Variants in BFAR observed in about 807,000 individuals in gnomAD.
The protein encoded by BFAR is bifunctional apoptosis regulator.
A neutral mutation model predicts 54.4 loss-of-function variants in BFAR; 52 were observed. The observed-to-expected ratio is 0.96, with a 90% CI of 0.77 to 1.21. The LOEUF is 1.21. Ranked by LOEUF, BFAR falls within the 50% of genes most tolerant of loss-of-function variation. The pLI, the probability that BFAR is intolerant of heterozygous loss-of-function variation, is 0.00. For missense variants in BFAR, 571 were observed against 534.0 expected (o/e 1.07, Z -0.68); for synonymous variants, 215 against 204.3 (o/e 1.05, Z -0.45).
In BFAR at chr16:14,667,672, G is replaced by C. The variant is rs769381599; in HGVS notation, c.1198G>C (p.Val400Leu). 5.6e-6 allele frequency: 9 copies of C among 1,614,176 alleles called. No individual in the cohort carries two copies. In the South Asian group the frequency reaches 9.9e-5, roughly 18 times the overall value. Residue 400 changes from valine to leucine, a missense_variant, in exon 8 of 8, where the codon GTA becomes CTA. Transcript: ENST00000261658. ...PQRMWSHFWK[V>L]STQGLFVAMF... ...GAGGATGTGGAGCCATTTCTGGAAA[G>C]TATCAACGCAGGGGCTTTTTGTGGC... is the stretch of plus-strand genomic sequence containing the variant.
intron 4 of BFAR, among the ~76,000 whole-genome samples, chr16:14,654,656 C>T (rs1462642672): frequency 6.6e-6 from 1 of 151,712 alleles, no homozygotes; most frequent in Non-Finnish European, 1.5e-5. Flanking sequence ...TACAGGTGCA[C>T]GCTAATTTTT....
intron 4 of BFAR, 146 bp downstream of exon 4, chr16:14,650,119 C>T (rs1959927275): frequency 1.4e-6 from 1 of 732,530 alleles, no homozygotes; most frequent in Non-Finnish European, 2.0e-6. Context: ...GTCAGGAGTT[C>T]CAGACCAGCC....
Position 14,667,962 on chromosome 16 carries a change from C to T in BFAR, c.*135C>T, listed in dbSNP as rs1026527394. The T allele has an allele frequency of 6.4e-6, 6 of 936,980 alleles. No homozygotes were observed. The highest frequency in any genetic ancestry group is 1.7e-5 in the African/African-American group (1 of 60,512). The allele number at this position is 936,980 out of a possible 1,614,324, so 58.0% of individuals were successfully genotyped here. ...AAGGTGCTGCTTTGTATATCAAAAG[C>T]TCCAACCATGTCCTCTCCCCCTCAG... On this transcript the variant is annotated 3_prime_UTR_variant, in exon 8 of 8. Coordinates refer to ENST00000261658, the MANE Select transcript of BFAR (RefSeq NM_016561.3).
In BFAR at chr16:14,655,218, C is replaced by CT. The variant is rs752968446; in HGVS notation, c.783+11dup. 1 of 1,323,448 alleles carries CT rather than the reference C, an allele frequency of 7.6e-7. No homozygotes were observed. Among genetic ancestry groups the CT allele is most frequent in the South Asian group, 2.0e-5 (1 of 48,966 alleles). 82.0% of individuals were successfully genotyped at this position (1,323,448 alleles called of 1,614,324 possible). A position where few individuals can be genotyped will look rare whatever the true frequency, so the allele number is the denominator to read the frequency against. On this transcript the variant is annotated intron_variant, in intron 5 of 7. Coordinates refer to ENST00000261658, the MANE Select transcript of BFAR (RefSeq NM_016561.3). ...AATCTCTGGGAATATAAGGTGAACA[C>CT]TTTAATTTTTTTTTTTTTTTTTTAC...
At chr16:14,638,198 CT>C (rs1358754188) in intron 1 of BFAR, among the ~76,000 whole-genome samples, 1 of 152,152 alleles carries the variant, frequency 6.6e-6, no homozygotes, top group Non-Finnish European at 1.5e-5. Flanking sequence ...TCATGGACAA[CT>C]TAACAAGACC....
intron 5 of BFAR, among the ~76,000 whole-genome samples, 168 bp downstream of exon 5, chr16:14,655,378 A>G (rs887575206): frequency 5.6e-4 from 85 of 150,998 alleles, no homozygotes; most frequent in African/African-American, 2.0e-3. Flanking sequence ...CTGGAGTGCA[A>G]TGGCGCAATC....
At position 14,661,961 on chromosome 16, in the gene BFAR, T is replaced by C. The variant is rs1447586946; in HGVS notation, c.853T>C (p.Tyr285His). 6.2e-7 allele frequency: 1 copy of C among 1,614,170 alleles called. No homozygotes were observed. The highest frequency in any genetic ancestry group is 1.7e-5 in the Admixed American group (1 of 60,002). The change falls in exon 6 of 8, where the codon TAC becomes CAC. Residue 285 changes from tyrosine (Y) to histidine (H), a missense_variant. Transcript: ENST00000261658. Reference protein sequence around the residue: ...LKSSPRLSLLYLYLFDYTDTF... With the variant: ...LKSSPRLSLLHLYLFDYTDTF... ...GAGCTCCCCCAGGCTGAGTCTGCTC[T>C]ACCTGTACCTGTTTGACTACACCGA... is the stretch of plus-strand genomic sequence containing the variant.
In BFAR at chr16:14,649,985, A is replaced by G. The variant is rs1959922247; in HGVS notation, c.638+12A>G. 1 of 1,602,170 alleles carries G rather than the reference A, an allele frequency of 6.2e-7. No homozygotes were observed. Among genetic ancestry groups the G allele is most frequent in the Admixed American group, 1.7e-5 (1 of 58,582 alleles). On this transcript the variant is annotated intron_variant, in intron 4 of 7. Coordinates refer to ENST00000261658, the MANE Select transcript of BFAR (RefSeq NM_016561.3). ...CGAGTAAATGGAAGGTGAGGAGCAAAGTCTTCTGACACACCGTGGACATTT... is the reference window on the plus strand; with the variant it reads ...CGAGTAAATGGAAGGTGAGGAGCAAGGTCTTCTGACACACCGTGGACATTT...
chr16:14,660,237 T>G (rs1306244368), intron 5 of BFAR, among the ~76,000 whole-genome samples: 1 of 152,188 alleles, frequency 6.6e-6, no homozygotes. Flanking sequence ...TTATATCTTC[T>G]GTGGTAAACT....
intron 7 of BFAR, 89 bp downstream of exon 7, chr16:14,665,160 A>G: frequency 7.7e-7 from 1 of 1,295,118 alleles, no homozygotes; most frequent in Non-Finnish European, 1.1e-6. Context: ...CACACTTGAA[A>G]TAAATCCTCC....
chr16:14,661,259 C>A (rs914843689), intron 5 of BFAR, among the ~76,000 whole-genome samples: 2 of 152,058 alleles, frequency 1.3e-5, no homozygotes, highest in Non-Finnish European at 2.9e-5. Flanking sequence ...CACTTACAGA[C>A]TGATTGAATT....
chr16:14,655,790 G>A (rs141428034), intron 5 of BFAR, among the ~76,000 whole-genome samples: 39 of 152,288 alleles, frequency 2.6e-4, no homozygotes, highest in African/African-American at 8.7e-4. Flanking sequence ...TGGGGACCTT[G>A]AATTGTTGGA....
At position 14,644,364 on chromosome 16, in the gene BFAR, A is replaced by G; in HGVS notation, c.18A>G (p.Lys6=). 6.2e-7 allele frequency: 1 copy of G among 1,613,738 alleles called. No individual in the cohort carries two copies. Among genetic ancestry groups the G allele is most frequent in the Non-Finnish European group, 8.5e-7 (1 of 1,179,786 alleles). ...GCTAAGAGATGGAGGAACCTCAGAA[A>G]AGCTATGTGAACACAATGGACCTTG... is the stretch of plus-strand genomic sequence containing the variant. The part of the protein sequence containing the change: MEEPQ[K]SYVNTMDLER... The change falls in exon 2 of 8, where the codon AAA becomes AAG. Residue 6 remains lysine, a synonymous_variant. Transcript: ENST00000261658.
At chr16:14,636,200 G>A (rs781659827) in intron 1 of BFAR, among the ~76,000 whole-genome samples, 5 of 152,168 alleles carry the variant, frequency 3.3e-5, no homozygotes, top group Non-Finnish European at 7.3e-5. Flanking sequence ...TAGGTGGAAC[G>A]AGAGACTTGG....
At chr16:14,641,815 TTG>T (rs1435650575) in intron 1 of BFAR, among the ~76,000 whole-genome samples, 1 of 152,174 alleles carries the variant, frequency 6.6e-6, no homozygotes, top group Non-Finnish European at 1.5e-5. Context: ...TGAGCTCAGG[TTG>T]TGCTATTGCA....
At chr16:14,653,974 T>G (rs1960047248) in intron 4 of BFAR, among the ~76,000 whole-genome samples, 1 of 151,932 alleles carries the variant, frequency 6.6e-6, no homozygotes, top group African/African-American at 2.4e-5. Flanking sequence ...GTACTGGGAT[T>G]ATAGGTGTGA....
chr16:14,667,857 G>GT lies in BFAR; in HGVS notation c.*31dup. ...CACTGCCCAGGCTGAGACTCTTCAA[G>GT]TCCCGCTGACGTCTGAGCTTTGATG... On this transcript the variant is annotated 3_prime_UTR_variant, in exon 8 of 8. Transcript: ENST00000261658. 7.5e-6 allele frequency: 12 copies of GT among 1,600,108 alleles called. No individual in the cohort carries two copies. The highest frequency in any genetic ancestry group is 1.0e-5 in the Non-Finnish European group (12 of 1,168,010).
At position 14,661,972 on chromosome 16, in the gene BFAR, G is replaced by C. The variant is rs1226322257; in HGVS notation, c.864G>C (p.Leu288=). The change falls in exon 6 of 8, where the codon CTG becomes CTC. Residue 288 remains leucine, a synonymous_variant. Transcript: ENST00000261658. ...SPRLSLLYLY[L]FDYTDTFLPF... ...GGCTGAGTCTGCTCTACCTGTACCT[G>C]TTTGACTACACCGACACCTTCCTAC... 1 of 1,614,092 alleles carries C rather than the reference G, an allele frequency of 6.2e-7. No homozygotes were observed. Among genetic ancestry groups the C allele is most frequent in the Middle Eastern group, 1.6e-4 (1 of 6,062 alleles).
chr16:14,633,689 G>A (rs935367105), intron 1 of BFAR, among the ~76,000 whole-genome samples: 2 of 152,186 alleles, frequency 1.3e-5, no homozygotes, highest in Admixed American at 6.5e-5. Flanking sequence ...GTCTTGCCCT[G>A]CCGCCCAGGC....
Sources: gnomAD v4.1 joint callset for allele counts (sites outside exome capture counted in the v4.1 genomes callset) on GRCh38, gnomAD v4.1.1 for gene constraint, MANE v1.5 for transcripts, NCBI Gene and HGNC (gene_info 2026-07-23, HGNC 2026-07-21) for gene names.